The following HECW2 variants were observed in gnomAD, a reference collection of about 807,000 sequenced individuals.
HECW2 encodes HECT, C2 and WW domain containing E3 ubiquitin protein ligase 2, also known as E3 ubiquitin-protein ligase HECW2.
In HECW2, 61 loss-of-function variants were observed where a neutral mutation model predicts 175.2. The ratio of observed to expected loss-of-function variants is 0.35; its 90% CI spans 0.28 to 0.43. The LOEUF is 0.43. HECW2 is among the 20% of genes least tolerant of loss of function. The pLI, the probability that HECW2 is intolerant of heterozygous loss-of-function variation, is 1.00. For synonymous variants in HECW2, 671 were observed against 731.0 expected, an observed-to-expected ratio of 0.92 and a Z score of 1.32; for missense variants, 1,524 against 2,000.5, an observed-to-expected ratio of 0.76 and a Z score of 4.54.
intron 2 of HECW2, among the ~76,000 whole-genome samples, chr2:196,420,365 T>C (rs940254486): frequency 1.3e-5 from 2 of 152,218 alleles, no homozygotes; most frequent in Non-Finnish European, 2.9e-5. Flanking sequence ...ATAATGACTT[T>C]GATAGTTATC....
At chr2:196,582,701 C>T (rs372303898) in intron 1 of HECW2, among the ~76,000 whole-genome samples, 1 of 152,230 alleles carries the variant, frequency 6.6e-6, no homozygotes, top group East Asian at 1.9e-4. Flanking sequence ...AGAACAGGTA[C>T]TGCGAACCAG....
intron 1 of HECW2, among the ~76,000 whole-genome samples, chr2:196,515,555 C>T (rs1461648279): frequency 6.6e-6 from 1 of 152,174 alleles, no homozygotes; most frequent in Non-Finnish European, 1.5e-5. Flanking sequence ...GCAGCAGGAC[C>T]ATGTAACAAC....
intron 19 of HECW2, among the ~76,000 whole-genome samples, chr2:196,247,977 G>A (rs1688709663): frequency 6.6e-6 from 1 of 152,208 alleles, no homozygotes; most frequent in African/African-American, 2.4e-5. Flanking sequence ...TGCCCTGTGA[G>A]TGAATGAAAA....
intron 19 of HECW2, among the ~76,000 whole-genome samples, chr2:196,247,852 G>C (rs957111955): frequency 4.6e-5 from 7 of 152,134 alleles, no homozygotes; most frequent in Admixed American, 1.3e-4. Context: ...GTATTGGACA[G>C]GGGCTGGATC....
rs1284621782 is a variant in HECW2 at position 196,322,550 on chromosome 2, C to T, written c.812G>A (p.Arg271His). The T allele has an allele frequency of 6.2e-6, 10 of 1,613,574 alleles. No individual in the cohort carries two copies. The highest frequency in any genetic ancestry group is 1.3e-5 in the African/African-American group (1 of 74,986). ...IEIKDKFAKS[R>H]PIIKRFLGKL... ...CCCCAGAAAACGCTTGATGATGGGA[C>T]GGCTCTTGGCAAATTTGTCTTTAAT... Residue 271 changes from arginine to histidine, a missense_variant, in exon 7 of 29, where the codon CGT becomes CAT. Around this residue, in one of 11 missense-constraint regions of HECW2, gnomAD observed 95 missense variants for 136.8 expected, o/e 0.69. Transcript: ENST00000644978.
intron 2 of HECW2, among the ~76,000 whole-genome samples, chr2:196,368,143 T>C (rs1693800669): frequency 6.6e-6 from 1 of 152,182 alleles, no homozygotes; most frequent in Non-Finnish European, 1.5e-5. Context: ...TACCTAGCAG[T>C]GTAATTGCTG....
intron 1 of HECW2, among the ~76,000 whole-genome samples, chr2:196,444,802 G>A (rs1247974544): frequency 1.3e-5 from 2 of 152,232 alleles, no homozygotes; most frequent in Non-Finnish European, 2.9e-5. Flanking sequence ...TAGTCCAGGT[G>A]AGTAGCAAGG....
chr2:196,389,119 G>GACAAACTTTTCACCCATATCTGGTTTT, intron 2 of HECW2, among the ~76,000 whole-genome samples: 1 of 152,270 alleles, frequency 6.6e-6, no homozygotes, highest in Admixed American at 6.5e-5. Context: ...GACCATTCAG[G>GACAAACTTTTCACCCATATCTGGTTTT]ACAAACTTTT....
intron 2 of HECW2, among the ~76,000 whole-genome samples, chr2:196,360,825 T>C (rs1469713849): frequency 6.6e-6 from 1 of 152,258 alleles, no homozygotes; most frequent in Non-Finnish European, 1.5e-5. Flanking sequence ...ATCAGTTACC[T>C]TTCCAGAGAT....
chr2:196,390,087 G>A (rs1694461431), intron 2 of HECW2, among the ~76,000 whole-genome samples: 1 of 152,070 alleles, frequency 6.6e-6, no homozygotes, highest in African/African-American at 2.4e-5. Context: ...CTGATATTAT[G>A]CTCAGATACT....
Position 196,232,045 on chromosome 2 carries a change from G to A in HECW2, c.3765-3791C>T, listed in dbSNP as rs1481898146. ...CCTAGGGTGTACGCAACCTCAAGGAGTGGGTAGAATACTAAGTGTGAGGCA... is the reference window on the plus strand; with the variant it reads ...CCTAGGGTGTACGCAACCTCAAGGAATGGGTAGAATACTAAGTGTGAGGCA... On this transcript the variant is annotated intron_variant, in intron 21 of 28. Transcript: ENST00000644978. Among the ~76,000 whole-genome samples, 7 of 152,098 alleles carry A rather than the reference G, an allele frequency of 4.6e-5. No homozygotes were observed. The South Asian group carries it at 1.2e-3, about 27-fold the overall frequency.
chr2:196,587,863 C>T (rs1391638803), intron 1 of HECW2, among the ~76,000 whole-genome samples: 1 of 152,172 alleles, frequency 6.6e-6, no homozygotes, highest in Non-Finnish European at 1.5e-5. Flanking sequence ...ACCCACACCA[C>T]CCTTCTGGTC....
chr2:196,510,871 C>T (rs1687925940), intron 1 of HECW2, among the ~76,000 whole-genome samples: 1 of 152,112 alleles, frequency 6.6e-6, no homozygotes, highest in African/African-American at 2.4e-5. Flanking sequence ...GTAGTGAGGA[C>T]TATGAGGACT....
intron 1 of HECW2, among the ~76,000 whole-genome samples, chr2:196,585,935 C>T (rs949598235): frequency 6.6e-6 from 1 of 152,120 alleles, no homozygotes; most frequent in Non-Finnish European, 1.5e-5. Context: ...TTTTCTCTAC[C>T]TCCTTCAGCC....
intron 19 of HECW2, among the ~76,000 whole-genome samples, chr2:196,245,761 CTGAGT>C (rs1461513692): frequency 6.6e-6 from 1 of 152,120 alleles, no homozygotes; most frequent in African/African-American, 2.4e-5. Context: ...GGGCAAAGAG[CTGAGT>C]TATGTCATAA....
intron 15 of HECW2, among the ~76,000 whole-genome samples, chr2:196,277,935 A>T (rs1690020484): frequency 8.3e-6 from 1 of 119,786 alleles, no homozygotes; most frequent in African/African-American, 3.1e-5. Context: ...CAGTGAGAAC[A>T]CTTGGACACA....
rs758962415 is a variant in HECW2, at chr2:196,423,708, G to GTGTGTGTA, written c.292+9423_292+9424insTACACACA. ...ATTGTGTGTGTGTGTGTGTGTGTGT[G>GTGTGTGTA]TGTGTGTTTATCACATTTTTCTTAT... is the stretch of plus-strand genomic sequence containing the variant. On this transcript the variant is annotated intron_variant, in intron 2 of 28. Transcript: ENST00000644978. Among the ~76,000 whole-genome samples, 188 of 151,632 alleles carry GTGTGTGTA rather than the reference G, an allele frequency of 1.2e-3. 1 individual carries two copies. Among genetic ancestry groups the GTGTGTGTA allele is most frequent in the African/African-American group, 4.4e-3 (182 of 41,254 alleles).
At chr2:196,469,101 CTG>C (rs150802425) in intron 1 of HECW2, among the ~76,000 whole-genome samples, 28 of 130,834 alleles carry the variant, frequency 2.1e-4, no homozygotes, top group African/African-American at 2.7e-4. Flanking sequence ...GTCACTGAAC[CTG>C]TGTGTGTGTG....
At chr2:196,385,457 G>GT (rs1249944033) in intron 2 of HECW2, among the ~76,000 whole-genome samples, 1 of 152,144 alleles carries the variant, frequency 6.6e-6, no homozygotes, top group Non-Finnish European at 1.5e-5. Context: ...CTAAAATCAT[G>GT]TATCATTGGC....
Sources: gnomAD v4.1 joint callset for allele counts (sites outside exome capture counted in the v4.1 genomes callset) on GRCh38, gnomAD v4.1.1 for gene constraint, gnomAD v4.1.1 regional missense constraint, MANE v1.5 for transcripts, NCBI Gene and HGNC (gene_info 2026-07-23, HGNC 2026-07-21) for gene names.